SPAG16: variants seen among roughly 807,000 people sequenced by gnomAD.
The protein encoded by SPAG16 is sperm-associated antigen 16 protein.
In SPAG16, 86 loss-of-function variants were observed where a neutral mutation model predicts 80.4. That is an observed-to-expected ratio of 1.07 (90% CI 0.90 to 1.28). The LOEUF (loss-of-function observed/expected upper bound fraction) is 1.28. Ranked by LOEUF, SPAG16 falls within the 50% of genes most tolerant of loss-of-function variation. The probability of loss-of-function intolerance (pLI) is 0.00; values close to 1 mark genes in which losing one functional copy is unlikely to be tolerated. For missense variants in SPAG16, 870 were observed against 765.3 expected (o/e 1.14, Z -1.61); for synonymous variants, 294 against 265.9 (o/e 1.11, Z -1.03).
At chr2:214,396,338 C>A (rs1178969895) in intron 15 of SPAG16, among the ~76,000 whole-genome samples, 1 of 151,850 alleles carries the variant, frequency 6.6e-6, no homozygotes, top group Admixed American at 6.6e-5. Flanking sequence ...TTTTGCTCTG[C>A]AGTTGCTAAA....
chr2:213,920,028 T>C (rs549530143), intron 11 of SPAG16, among the ~76,000 whole-genome samples: 1 of 152,352 alleles, frequency 6.6e-6, no homozygotes, highest in East Asian at 1.9e-4. Flanking sequence ...ATTGAAATCT[T>C]TGCCAGTATG....
rs145012791 is a variant in SPAG16, at chr2:213,380,047, C to T, written c.942+4928C>T. Among the ~76,000 whole-genome samples, 741 of 152,296 alleles carry T rather than the reference C, an allele frequency of 4.9e-3. 4 individuals carry two copies. The highest frequency in any genetic ancestry group is 0.017 in the African/African-American group (703 of 41,556). ...TTGACCACTCAGAGGTGTCCATCCA[C>T]GTACCTCTTTCCTGAATTTCCTTGT... On this transcript the variant is annotated intron_variant, in intron 9 of 15. Transcript: ENST00000331683.
intron 11 of SPAG16, among the ~76,000 whole-genome samples, chr2:213,922,121 A>T (rs894954785): frequency 6.6e-6 from 1 of 152,148 alleles, no homozygotes; most frequent in Non-Finnish European, 1.5e-5. Flanking sequence ...TATGTTTTCC[A>T]AGTTGCTTAC....
intron 8 of SPAG16, among the ~76,000 whole-genome samples, chr2:213,373,019 GTTTGT>G (rs1301085819): frequency 6.6e-6 from 1 of 152,126 alleles, no homozygotes; most frequent in Admixed American, 6.5e-5. Flanking sequence ...TTTATTTGCT[GTTTGT>G]TTTATCTCAA....
chr2:213,696,474 G>A (rs1469859946), intron 10 of SPAG16, among the ~76,000 whole-genome samples: 2 of 152,048 alleles, frequency 1.3e-5, no homozygotes, highest in East Asian at 3.9e-4. Flanking sequence ...AAAAAATTCA[G>A]GGCACATCCC....
chr2:213,790,349 C>T (rs1189689149), intron 10 of SPAG16, among the ~76,000 whole-genome samples: 1 of 151,876 alleles, frequency 6.6e-6, no homozygotes, highest in Non-Finnish European at 1.5e-5. Flanking sequence ...GGTTCAAGTC[C>T]AGTGGATCAT....
Position 213,711,526 on chromosome 2 carries a change from C to CT in SPAG16, c.1071-150946dup, listed in dbSNP as rs1234929111. Among the ~76,000 whole-genome samples the CT allele has an allele frequency of 4.6e-3, 642 of 139,996 alleles. 5 individuals are homozygous for CT. The highest frequency in any genetic ancestry group is 0.013 in the African/African-American group (505 of 38,540). The allele number at this position is 139,996 out of a possible 152,430, so 91.8% of individuals were successfully genotyped here. ...TATTTATTTTTTACAATTTTCTTTC[C>CT]TTTTTTTTTTTTTAAAGACAGAGTC... On this transcript the variant is annotated intron_variant, in intron 10 of 15. Coordinates refer to ENST00000331683, the MANE Select transcript of SPAG16 (RefSeq NM_024532.5).
chr2:213,928,881 TA>T (rs2078617025), intron 11 of SPAG16, among the ~76,000 whole-genome samples: 1 of 144,424 alleles, frequency 6.9e-6, no homozygotes, highest in African/African-American at 2.6e-5. Flanking sequence ...ATGATGGAAG[TA>T]AAATTTTCTT....
chr2:214,268,779 T>C lies in SPAG16; in HGVS notation c.1720+119513T>C, dbSNP rs371794932. On this transcript the variant is annotated intron_variant, in intron 15 of 15. Transcript: ENST00000331683. ...TGTGTGTGGGTGTGTATGTATGTAT[T>C]TATTTGTGTATTTATGTGTCATTAG... Among the ~76,000 whole-genome samples, 34 of 151,626 alleles carry C rather than the reference T, an allele frequency of 2.2e-4. 1 individual carries two copies. In the South Asian group the frequency reaches 6.7e-3, roughly 30 times the overall value.
rs141985135 is a variant in SPAG16 at position 214,236,646 on chromosome 2, C to T, written c.1720+87380C>T. 4.2e-4 allele frequency among the ~76,000 whole-genome samples: 63 copies of T among 149,644 alleles called. 1 individual carries two copies. In the South Asian group the frequency reaches 5.5e-3, roughly 13 times the overall value. On this transcript the variant is annotated intron_variant, in intron 15 of 15. Transcript: ENST00000331683. ...CATCCTGGGTGACAGAGCGAGACTCCGTTTCAAAAAAAAAAAAAGATACAA... is the reference window on the plus strand; with the variant it reads ...CATCCTGGGTGACAGAGCGAGACTCTGTTTCAAAAAAAAAAAAAGATACAA...
At chr2:213,820,071 GT>G (rs570659663) in intron 10 of SPAG16, among the ~76,000 whole-genome samples, 4 of 150,762 alleles carry the variant, frequency 2.7e-5, no homozygotes, top group Non-Finnish European at 5.9e-5. Flanking sequence ...AGCCACCGTT[GT>G]TTTTGCTTTT....
intron 13 of SPAG16, among the ~76,000 whole-genome samples, chr2:214,023,401 A>G (rs116381072): frequency 0.026 from 2,683 of 104,424 alleles, 77 homozygotes; most frequent in African/African-American, 0.07. Flanking sequence ...TTCCTAAGGC[A>G]TTCATTAAAA....
chr2:213,776,015 A>G (rs891700576), intron 10 of SPAG16, among the ~76,000 whole-genome samples: 2 of 152,226 alleles, frequency 1.3e-5, no homozygotes, highest in African/African-American at 4.8e-5. Context: ...TGTAAACTAG[A>G]TAAAGAAAGC....
chr2:214,080,096 T>C (rs568430032), intron 13 of SPAG16, among the ~76,000 whole-genome samples: 116 of 152,302 alleles, frequency 7.6e-4, no homozygotes, highest in African/African-American at 2.6e-3. Flanking sequence ...TTTATGTTAA[T>C]TTGTAAGAAT....
intron 15 of SPAG16, among the ~76,000 whole-genome samples, chr2:214,256,732 A>C (rs1374259032): frequency 6.6e-6 from 1 of 151,936 alleles, no homozygotes; most frequent in Non-Finnish European, 1.5e-5. Context: ...ATGGTTGTAT[A>C]TATGAGTCTA....
chr2:213,865,325 C>T (rs7599815), intron 11 of SPAG16, among the ~76,000 whole-genome samples: 30,036 of 151,638 alleles, frequency 0.2, 3,413 homozygotes, highest in South Asian at 0.31. Flanking sequence ...AAATTAATAA[C>T]CATGAATGAG....
chr2:214,206,459 CTTCTTT>C (rs1384646365), intron 15 of SPAG16, among the ~76,000 whole-genome samples: 1 of 152,096 alleles, frequency 6.6e-6, no homozygotes, highest in Non-Finnish European at 1.5e-5. Context: ...ACAGGATGTC[CTTCTTT>C]TTTATGGGTG....
At chr2:213,628,207 T>C (rs1165395336) in intron 10 of SPAG16, among the ~76,000 whole-genome samples, 1 of 152,236 alleles carries the variant, frequency 6.6e-6, no homozygotes, top group Non-Finnish European at 1.5e-5. Flanking sequence ...TCTCAGCAAC[T>C]AGATTTCCAG....
intron 14 of SPAG16, among the ~76,000 whole-genome samples, chr2:214,141,696 G>T (rs1271418869): frequency 2.0e-5 from 3 of 151,746 alleles, no homozygotes; most frequent in Non-Finnish European, 4.4e-5. Context: ...TTTTCCCCCG[G>T]TACAATGAGG....
Sources: gnomAD v4.1 joint callset for allele counts (sites outside exome capture counted in the v4.1 genomes callset) on GRCh38, gnomAD v4.1.1 for gene constraint, MANE v1.5 for transcripts, NCBI Gene and HGNC (gene_info 2026-07-23, HGNC 2026-07-21) for gene names.